ASB3: variants seen among roughly 807,000 people sequenced by gnomAD.
ASB3 encodes the protein ankyrin repeat and SOCS box protein 3.
A neutral mutation model predicts 54.5 loss-of-function variants in ASB3; 41 were observed. That is an observed-to-expected ratio of 0.75 (90% CI 0.59 to 0.98). ASB3 has a LOEUF of 0.98. ASB3 is among the 50% of genes least tolerant of loss of function. The pLI is 0.00. For missense variants in ASB3, 733 were observed against 620.0 expected (o/e 1.18, Z -1.94); for synonymous variants, 266 against 221.2 (o/e 1.20, Z -1.80).
At chr2:53,705,575 T>C (rs1277549058) in intron 7 of ASB3, among the ~76,000 whole-genome samples, 1 of 152,200 alleles carries the variant, frequency 6.6e-6, no homozygotes, top group East Asian at 1.9e-4. Flanking sequence ...TTATCCTGTT[T>C]GGGTTTAACA....
chr2:53,687,371 C>T (rs1668685309), intron 9 of ASB3, among the ~76,000 whole-genome samples: 1 of 152,206 alleles, frequency 6.6e-6, no homozygotes, highest in Admixed American at 6.5e-5. Context: ...AAGGTCCACA[C>T]ATGGCTGGTG....
intron 9 of ASB3, among the ~76,000 whole-genome samples, chr2:53,688,115 C>G (rs1440578834): frequency 6.6e-6 from 1 of 152,174 alleles, no homozygotes; most frequent in Non-Finnish European, 1.5e-5. Context: ...CCACGCCTGG[C>G]CTATTTGTTG....
chr2:53,743,092 G>T (rs1672022124), intron 3 of ASB3, among the ~76,000 whole-genome samples: 2 of 151,626 alleles, frequency 1.3e-5, no homozygotes, highest in Admixed American at 1.3e-4. Context: ...TGTAATTCAA[G>T]GATTTTGTAC....
At chr2:53,693,859 G>A in intron 9 of ASB3, 25 bp downstream of exon 9, 2 of 1,608,030 alleles carry the variant, frequency 1.2e-6, no homozygotes, top group African/African-American at 2.7e-5. Flanking sequence ...GTAGTGAAGT[G>A]TGTTTAAAAG....
At chr2:53,746,309 G>C (rs1228964178) in intron 3 of ASB3, among the ~76,000 whole-genome samples, 2 of 151,902 alleles carry the variant, frequency 1.3e-5, no homozygotes, top group East Asian at 1.9e-4. Context: ...AATAAAAAAA[G>C]GTAAAGGTGA....
At chr2:53,754,419 T>G (rs1181238282) in intron 2 of ASB3, among the ~76,000 whole-genome samples, 1 of 152,214 alleles carries the variant, frequency 6.6e-6, no homozygotes, top group East Asian at 1.9e-4. Flanking sequence ...TAAAATCTCC[T>G]GTGTGATTAT....
chr2:53,765,332 A>C (rs1193362631), intron 2 of ASB3, 45 bp downstream of exon 2: 2 of 1,610,696 alleles, frequency 1.2e-6, no homozygotes, highest in East Asian at 4.5e-5. Context: ...ATGTTTTATT[A>C]ATCCAGCTTG....
chr2:53,691,630 C>T (rs1269398370), intron 9 of ASB3, among the ~76,000 whole-genome samples: 1 of 151,990 alleles, frequency 6.6e-6, no homozygotes, highest in Non-Finnish European at 1.5e-5. Flanking sequence ...GATCCTGTAG[C>T]TCAAAATCCC....
At chr2:53,759,185 T>C (rs1213107387) in intron 2 of ASB3, among the ~76,000 whole-genome samples, 1 of 152,160 alleles carries the variant, frequency 6.6e-6, no homozygotes, top group Non-Finnish European at 1.5e-5. Flanking sequence ...CAGTTCCCAG[T>C]GTAGACCCTC....
At chr2:53,721,375 G>T (rs1479617668) in intron 5 of ASB3, among the ~76,000 whole-genome samples, 1 of 113,866 alleles carries the variant, frequency 8.8e-6, no homozygotes, top group Non-Finnish European at 1.7e-5. Context: ...GAAATGTGGT[G>T]AAACCCCATC....
chr2:53,775,374 T>C (rs1475109668), intron 1 of ASB3, among the ~76,000 whole-genome samples: 2 of 152,146 alleles, frequency 1.3e-5, no homozygotes, highest in Non-Finnish European at 2.9e-5. Context: ...TATATATACA[T>C]ATAAAATTTT....
chr2:53,684,487 G>T (rs1002090861), intron 9 of ASB3, among the ~76,000 whole-genome samples: 3 of 152,186 alleles, frequency 2.0e-5, no homozygotes, highest in Admixed American at 2.0e-4. Context: ...CAGCCATAAT[G>T]ATTCTCATGG....
intron 5 of ASB3, among the ~76,000 whole-genome samples, chr2:53,720,370 A>G (rs1670635574): frequency 6.6e-6 from 1 of 152,214 alleles, no homozygotes; most frequent in Non-Finnish European, 1.5e-5. Flanking sequence ...TAATGTTGGC[A>G]AAATAAACTT....
At chr2:53,694,111 A>G (rs1669061148) in intron 8 of ASB3, 97 bp from the exon 9 acceptor site, 2 of 1,420,190 alleles carry the variant, frequency 1.4e-6, no homozygotes, top group Non-Finnish European at 1.9e-6. Context: ...CAAAATCTCA[A>G]TGAGGAGGGC....
chr2:53,753,650 C>CT (rs1309137294), intron 2 of ASB3, among the ~76,000 whole-genome samples: 15 of 144,324 alleles, frequency 1.0e-4, no homozygotes, highest in Non-Finnish European at 2.3e-4. Context: ...CTCTTTCTTT[C>CT]TGTTTTTTTT....
chr2:53,678,586 T>C (rs1054709944), intron 9 of ASB3, among the ~76,000 whole-genome samples: 1 of 152,180 alleles, frequency 6.6e-6, no homozygotes, highest in Non-Finnish European at 1.5e-5. Flanking sequence ...ACACCACAAA[T>C]GTGGTGGCAC....
At chr2:53,736,899 A>C (rs1204983945) in intron 3 of ASB3, among the ~76,000 whole-genome samples, 1 of 151,228 alleles carries the variant, frequency 6.6e-6, no homozygotes, top group Non-Finnish European at 1.5e-5. Context: ...CACAAGAATC[A>C]CTTCAACCCA....
intron 1 of ASB3, among the ~76,000 whole-genome samples, chr2:53,770,939 C>G (rs946226098): frequency 6.6e-6 from 1 of 152,206 alleles, no homozygotes; most frequent in African/African-American, 2.4e-5. Context: ...CTTCATAACT[C>G]AGAAGTGTAA....
At chr2:53,782,290 A>G (rs1199132022) in intron 1 of ASB3, among the ~76,000 whole-genome samples, 2 of 152,216 alleles carry the variant, frequency 1.3e-5, no homozygotes, top group South Asian at 4.1e-4. Flanking sequence ...GCACTCATTC[A>G]TTCTGGAAGA....
Sources: gnomAD v4.1 joint callset for allele counts (sites outside exome capture counted in the v4.1 genomes callset) on GRCh38, gnomAD v4.1.1 for gene constraint, MANE v1.5 for transcripts, NCBI Gene and HGNC (gene_info 2026-07-23, HGNC 2026-07-21) for gene names.